ARK2C: variants seen among roughly 807,000 people sequenced by gnomAD.
ARK2C encodes arkadia (RNF111) C-terminal like ring finger ubiquitin ligase 2C, also known as E3 ubiquitin-protein ligase ARK2C.
chr18:46,426,325 C>T, the ARK2C span, among the ~76,000 whole-genome samples: 1 of 152,210 alleles, frequency 6.6e-6, no homozygotes, highest in Non-Finnish European at 1.5e-5. Flanking sequence ...GGGACCTTGT[C>T]ACTGTTATCC....
the ARK2C span, chr18:46,457,768 G>C: frequency 2.0e-5 from 3 of 152,690 alleles, no homozygotes; most frequent in Non-Finnish European, 2.9e-5. Flanking sequence ...ATAGGTGATG[G>C]CTGCTTGGTC....
At chr18:46,419,293 A>T in the ARK2C span, among the ~76,000 whole-genome samples, 1 of 152,184 alleles carries the variant, frequency 6.6e-6, no homozygotes, top group Non-Finnish European at 1.5e-5. Context: ...TCATTGAGCC[A>T]TCCTCCGTAG....
the ARK2C span, among the ~76,000 whole-genome samples, chr18:46,367,888 G>T: frequency 1.3e-5 from 2 of 152,204 alleles, no homozygotes; most frequent in Non-Finnish European, 2.9e-5. Flanking sequence ...GATGGTGCAG[G>T]CATCTGTACT....
the ARK2C span, among the ~76,000 whole-genome samples, chr18:46,370,169 A>G: frequency 6.6e-6 from 1 of 152,212 alleles, no homozygotes. Flanking sequence ...GAAGATATAG[A>G]ATAGTAATTA....
the ARK2C span, among the ~76,000 whole-genome samples, chr18:46,357,099 G>A: frequency 2.6e-5 from 4 of 152,166 alleles, no homozygotes; most frequent in Admixed American, 6.5e-5. Context: ...ATGTGTTTGC[G>A]AATTTCAAGT....
chr18:46,385,757 C>A, the ARK2C span: 4 of 152,116 alleles, frequency 2.6e-5, no homozygotes, highest in African/African-American at 9.7e-5. Flanking sequence ...AGGACCCCCT[C>A]GAGGCAGTTA....
the ARK2C span, among the ~76,000 whole-genome samples, chr18:46,363,716 C>A: frequency 1.1e-4 from 17 of 152,246 alleles, no homozygotes; most frequent in African/African-American, 3.9e-4. Flanking sequence ...TTATAATGAG[C>A]TGGCCTTGTA....
the ARK2C span, among the ~76,000 whole-genome samples, chr18:46,369,675 G>A: frequency 1.3e-4 from 20 of 152,264 alleles, no homozygotes; most frequent in Non-Finnish European, 2.6e-4. Flanking sequence ...ATCTCATTTA[G>A]TTCTGCTTTG....
chr18:46,436,096 C>G, the ARK2C span, among the ~76,000 whole-genome samples: 4 of 152,292 alleles, frequency 2.6e-5, no homozygotes, highest in Admixed American at 2.6e-4. Context: ...CTGGTTCTAG[C>G]TCATAAGAGA....
At chr18:46,417,995 C>A in the ARK2C span, among the ~76,000 whole-genome samples, 1 of 146,394 alleles carries the variant, frequency 6.8e-6, no homozygotes, top group Non-Finnish European at 1.5e-5. Context: ...CAGAGCAAGA[C>A]TCTTAAAAAA....
the ARK2C span, among the ~76,000 whole-genome samples, chr18:46,413,133 T>C: frequency 2.0e-5 from 3 of 152,070 alleles, no homozygotes; most frequent in Non-Finnish European, 4.4e-5. Context: ...GTTTTGAAAA[T>C]TGTTTGGTTA....
chr18:46,380,046 T>C, the ARK2C span, among the ~76,000 whole-genome samples: 3 of 152,208 alleles, frequency 2.0e-5, no homozygotes, highest in Non-Finnish European at 1.5e-5. Context: ...CCTCAAAGTT[T>C]CCCCATCCAT....
At chr18:46,353,137 T>G in the ARK2C span, among the ~76,000 whole-genome samples, 2 of 152,240 alleles carry the variant, frequency 1.3e-5, no homozygotes, top group African/African-American at 4.8e-5. Flanking sequence ...ATGACTAGCT[T>G]GCATTTTCCA....
At chr18:46,428,783 T>C in the ARK2C span, among the ~76,000 whole-genome samples, 2 of 152,238 alleles carry the variant, frequency 1.3e-5, no homozygotes, top group Non-Finnish European at 2.9e-5. Flanking sequence ...AAACATATAT[T>C]ATTAAAATTA....
At chr18:46,451,382 AT>A in the ARK2C span, among the ~76,000 whole-genome samples, 31 of 151,194 alleles carry the variant, frequency 2.1e-4, no homozygotes, top group South Asian at 8.4e-4. Context: ...TGAGTTTAAA[AT>A]TTTTTTTTTA....
At chr18:46,339,514 G>T in the ARK2C span, among the ~76,000 whole-genome samples, 1 of 152,186 alleles carries the variant, frequency 6.6e-6, no homozygotes, top group African/African-American at 2.4e-5. Context: ...GTGACTGGAC[G>T]ATTCAGGAAC....
the ARK2C span, among the ~76,000 whole-genome samples, chr18:46,395,411 C>G: frequency 6.6e-6 from 1 of 152,188 alleles, no homozygotes; most frequent in Non-Finnish European, 1.5e-5. Context: ...ATTCCTGGCA[C>G]CTCCCCACTA....
chr18:46,417,807 C>A, the ARK2C span, among the ~76,000 whole-genome samples: 1 of 152,216 alleles, frequency 6.6e-6, no homozygotes, highest in Middle Eastern at 3.4e-3. Flanking sequence ...AGTTTGAGAC[C>A]AGCCTGGCCA....
At chr18:46,433,245 C>T in the ARK2C span, 29 of 1,607,504 alleles carry the variant, frequency 1.8e-5, no homozygotes, top group Non-Finnish European at 2.4e-5. Context: ...GCCACTTCCA[C>T]CTGGGCCCCC....
Sources: allele counts gnomAD v4.1 joint callset (sites outside exome capture counted in the v4.1 genomes callset), GRCh38; gene constraint gnomAD v4.1.1; transcripts MANE v1.5; gene names NCBI Gene and HGNC (gene_info 2026-07-23, HGNC 2026-07-21).